Variants in CELSR1 observed in about 807,000 individuals in gnomAD.
CELSR1 encodes the protein adhesion G protein-coupled receptor C1.
CELSR1 carries 110 observed loss-of-function variants against 249.1 expected under a neutral mutation model. The ratio of observed to expected loss-of-function variants is 0.44; its 90% confidence interval spans 0.38 to 0.52. CELSR1 has a LOEUF of 0.52. Among genes scored for constraint, CELSR1 ranks in the 20% least tolerant of loss-of-function variants. The pLI, the probability that CELSR1 is intolerant of heterozygous loss-of-function variation, is 0.00. For synonymous variants in CELSR1, 2,113 were observed against 1,900.0 expected (o/e 1.11, Z -2.92); for missense variants, 4,109 against 4,296.4 (o/e 0.96, Z 1.22).
rs889552972 is a variant in CELSR1 at position 46,389,458 on chromosome 22, G to C, written c.6387C>G (p.Ala2129=). 6.2e-7 allele frequency: 1 copy of C among 1,613,266 alleles called. No homozygotes were observed. The change falls in exon 18 of 35, where the codon GCC becomes GCG. Residue 2129 remains alanine, a synonymous_variant. Coordinates refer to ENST00000674500, the MANE Select transcript of CELSR1 (RefSeq NM_001378328.1). ...GCGCCCTCACCAGCTGCAGGGCCCT[G>C]GCGCCGTCCACCTGCGTCTCATTGC... The part of the protein sequence containing the change: ...LSRNETQVDG[A]RALQLVRALR...
In CELSR1 at chr22:46,436,492, A is replaced by G. The variant is rs961268324; in HGVS notation, c.4407-203T>C. 6.6e-6 allele frequency among the ~76,000 whole-genome samples: 1 copy of G among 152,212 alleles called. No homozygotes were observed. The highest frequency in any genetic ancestry group is 2.4e-5 in the African/African-American group (1 of 41,450). ...GGTTCTTTTCTGGAAGCAGCAAACC[A>G]GAATCCATGGGGAGTCTGGTTACTA... On this transcript the variant is annotated intron_variant, in intron 3 of 34. Transcript: ENST00000674500. This position sits in a 1 kb window ranked among gnomAD's most constrained non-coding sequence, Gnocchi z 5.9.
intron 5 of CELSR1, among the ~76,000 whole-genome samples, chr22:46,422,499 C>T: frequency 6.8e-6 from 1 of 147,070 alleles, no homozygotes. Context: ...TTTGGGAGGC[C>T]AAGGGGGGGC....
rs910636049 is a variant in CELSR1 at position 46,473,361 on chromosome 22, T to C, written c.3545-9016A>G. Among the ~76,000 whole-genome samples the C allele has an allele frequency of 2.6e-5, 4 of 151,792 alleles. No individual in the cohort carries two copies. The highest frequency in any genetic ancestry group is 2.0e-4 in the Admixed American group (3 of 15,244). On this transcript the variant is annotated intron_variant, in intron 1 of 34. Transcript: ENST00000674500. The surrounding 1 kb of genome is among the most constrained non-coding windows in gnomAD (Gnocchi z 6.6). ...GTCCAAGAGGACCCTAGTCCTGGCATGGGAGGGTCTGCTGAGGACATGGAG... is the reference window on the plus strand; with the variant it reads ...GTCCAAGAGGACCCTAGTCCTGGCACGGGAGGGTCTGCTGAGGACATGGAG...
chr22:46,398,399 G>C lies in CELSR1; in HGVS notation c.5526+125C>G. The C allele has an allele frequency of 1.5e-6, 1 of 646,988 alleles. No individual in the cohort carries two copies. The highest frequency in any genetic ancestry group is 2.6e-6 in the Non-Finnish European group (1 of 378,086). The allele number at this position is 646,988 out of a possible 1,614,324, so 40.1% of individuals were successfully genotyped here. A position where few individuals can be genotyped will look rare whatever the true frequency, so the allele number is the denominator to read the frequency against. On this transcript the variant is annotated intron_variant, in intron 11 of 34. Transcript: ENST00000674500. This position sits in a 1 kb window ranked among gnomAD's most constrained non-coding sequence, Gnocchi z 7.2. ...AGGAGCTGTTAAAGTGGGGATGCCT[G>C]TCAGACAAATTCTTCACTCGTTGAA...
Position 46,394,211 on chromosome 22 carries a change from G to C in CELSR1, c.5895C>G (p.Pro1965=), listed in dbSNP as rs749177088. 3 of 1,614,034 alleles carry C rather than the reference G, an allele frequency of 1.9e-6. No homozygotes were observed. The highest frequency in any genetic ancestry group is 1.7e-4 in the Middle Eastern group (1 of 6,060). Residue 1965 remains proline, a synonymous_variant, in exon 14 of 35, where the codon CCC becomes CCG. Transcript: ENST00000674500. ...RGWWGNPVCG[P]CHCAVSKGFD... is the part of the protein sequence containing the mutation. ...AGCCTTTGCTGACGGCACAGTGGCAGGGTCCACAGACGGGGTTCCCCCACC... is the reference window on the plus strand; with the variant it reads ...AGCCTTTGCTGACGGCACAGTGGCACGGTCCACAGACGGGGTTCCCCCACC...
chr22:46,512,656 G>C lies in CELSR1; in HGVS notation c.3544+20971C>G, dbSNP rs541264409. On this transcript the variant is annotated intron_variant, in intron 1 of 34. Transcript: ENST00000674500. The surrounding 1 kb of genome is among the most constrained non-coding windows in gnomAD (Gnocchi z 5.2). ...GGAGGCCTCAAATGGCCTCACCACA[G>C]GTCCCCCGCCCCACTCTGCTCCTTC... is the stretch of plus-strand genomic sequence containing the variant. 6.6e-6 allele frequency among the ~76,000 whole-genome samples: 1 copy of C among 152,286 alleles called. No homozygotes were observed. The highest frequency in any genetic ancestry group is 2.1e-4 in the South Asian group (1 of 4,824).
rs5768756 is a variant in CELSR1 at position 46,398,830 on chromosome 22, G to A, written c.5413-193C>T. Among the ~76,000 whole-genome samples the A allele has an allele frequency of 5.6e-4, 86 of 152,294 alleles. 1 individual carries two copies. The East Asian group carries it at 0.011, about 20-fold the overall frequency. On this transcript the variant is annotated intron_variant, in intron 10 of 34. Transcript: ENST00000674500. This position sits in a 1 kb window ranked among gnomAD's most constrained non-coding sequence, Gnocchi z 7.2. The stretch of plus-strand genomic sequence containing the variant: ...AGGCTGGCTGTGATGACCAGGGCGA[G>A]GGGACCAGGCCAGAGGATGGGTGTC...
intron 5 of CELSR1, among the ~76,000 whole-genome samples, chr22:46,418,475 A>T (rs2079428575): frequency 6.6e-6 from 1 of 151,510 alleles, no homozygotes; most frequent in Non-Finnish European, 1.5e-5. Flanking sequence ...ACAGAGCAAG[A>T]TTCCGCCTCA....
At position 46,372,913 on chromosome 22, in the gene CELSR1, C is replaced by T. The variant is rs189568719; in HGVS notation, c.7729G>A (p.Val2577Met). Residue 2577 changes from valine (V) to methionine (M), a missense_variant, in exon 25 of 35, where the codon GTG (valine) becomes ATG (methionine). Coordinates refer to ENST00000674500, the MANE Select transcript of CELSR1 (RefSeq NM_001378328.1). Reference sequence around the variant, plus strand: ...ACAATGGCCGGGATGCCCCAGCCCACGACGTAGTAGAACCGCATGGGCCCC... The same window carrying T: ...ACAATGGCCGGGATGCCCCAGCCCATGACGTAGTAGAACCGCATGGGCCCC... ...DTGPMRFYYV[V>M]GWGIPAIVTG... The T allele has an allele frequency of 4.3e-5, 70 of 1,610,742 alleles. No homozygotes were observed. In the East Asian group the frequency reaches 9.6e-4, roughly 22 times the overall value.
intron 20 of CELSR1, among the ~76,000 whole-genome samples, chr22:46,383,848 T>G (rs966921976): frequency 2.0e-5 from 3 of 152,160 alleles, no homozygotes; most frequent in African/African-American, 7.2e-5. Context: ...AGCTTTTCAC[T>G]GCACACCAAA....
At position 46,396,724 on chromosome 22, in the gene CELSR1, C is replaced by G; in HGVS notation, c.5724G>C (p.Val1908=). ...CGCAGGGGTTCAGGTGACAGGCATC[C>G]ACACAGTTTATTCCAAGGTACCCTG... The part of the protein sequence containing the change: ...CDKGYLGINC[V]DACHLNPCEN... Residue 1908 remains valine, a synonymous_variant, in exon 13 of 35, where the codon GTG becomes GTC. Transcript: ENST00000674500. This position sits in a 1 kb window ranked among gnomAD's most constrained non-coding sequence, Gnocchi z 6.4. The G allele has an allele frequency of 6.2e-7, 1 of 1,612,972 alleles. No individual in the cohort carries two copies.
At chr22:46,366,910 T>TG in intron 29 of CELSR1, 83 bp downstream of exon 29, 1 of 1,510,078 alleles carries the variant, frequency 6.6e-7, no homozygotes, top group Non-Finnish European at 8.9e-7. Context: ...GCCGCAGGAC[T>TG]GGGGCTGAGG....
Position 46,365,263 on chromosome 22 carries a change from G to A in CELSR1, c.8522C>T (p.Pro2841Leu), listed in dbSNP as rs375066055. ...GGTGCTGTGGACGGCGCCCCTGGCC[G>A]GGTCCCATTTTTCCTCAGCTCCCAC... Reference protein sequence around the residue: ...DGVGAEEKWDPARGAVHSTPK... With the variant: ...DGVGAEEKWDLARGAVHSTPK... Residue 2841 changes from proline to leucine, a missense_variant, in exon 32 of 35, where the codon CCG (proline) becomes CTG (leucine). Transcript: ENST00000674500. The A allele has an allele frequency of 3.3e-5, 53 of 1,612,506 alleles. 1 individual carries two copies. In the Middle Eastern group the frequency reaches 5.0e-4, roughly 15 times the overall value.
chr22:46,467,527 A>G (rs2080109973), intron 1 of CELSR1, among the ~76,000 whole-genome samples: 2 of 152,004 alleles, frequency 1.3e-5, no homozygotes, highest in South Asian at 4.1e-4. Context: ...ATATATATAG[A>G]AAACTCTGGA....
chr22:46,382,518 C>T (rs1053201091), intron 20 of CELSR1, among the ~76,000 whole-genome samples: 5 of 152,100 alleles, frequency 3.3e-5, no homozygotes, highest in East Asian at 3.9e-4. Flanking sequence ...CCTCATGATC[C>T]GCCCGCCTCG....
Position 46,411,682 on chromosome 22 carries a change from G to A in CELSR1, c.4689C>T (p.Asp1563=), listed in dbSNP as rs771628098. ...KMAVVTVDDC[D]TTMAVRFGKD... ...TTCCAAAGCGCACAGCCATGGTTGTGTCACAATCATCCACTGTCACCACGG... is the reference window on the plus strand; with the variant it reads ...TTCCAAAGCGCACAGCCATGGTTGTATCACAATCATCCACTGTCACCACGG... Residue 1563 remains aspartate, a synonymous_variant, in exon 6 of 35, where the codon GAC becomes GAT. Coordinates refer to ENST00000674500, the MANE Select transcript of CELSR1 (RefSeq NM_001378328.1). This position sits in a 1 kb window ranked among gnomAD's most constrained non-coding sequence, Gnocchi z 4.2. The A allele has an allele frequency of 5.6e-6, 9 of 1,614,092 alleles. No homozygotes were observed. The highest frequency in any genetic ancestry group is 3.3e-5 in the South Asian group (3 of 91,092).
At position 46,407,003 on chromosome 22, in the gene CELSR1, C is replaced by T. The variant is rs953170421; in HGVS notation, c.5226+1993G>A. The stretch of plus-strand genomic sequence containing the variant: ...GGGAGGGACTTCCTGACCGCAGGAG[C>T]GGGGAGGGGGGGTCATCCTGGGAGA... On this transcript the variant is annotated intron_variant, in intron 9 of 34. Transcript: ENST00000674500. This position sits in a 1 kb window ranked among gnomAD's most constrained non-coding sequence, Gnocchi z 4.8. Among the ~76,000 whole-genome samples, 3 of 152,094 alleles carry T rather than the reference C, an allele frequency of 2.0e-5. No homozygotes were observed. The highest frequency in any genetic ancestry group is 1.9e-4 in the East Asian group (1 of 5,190).
At position 46,483,334 on chromosome 22, in the gene CELSR1, G is replaced by A. The variant is rs183950221; in HGVS notation, c.3545-18989C>T. 6.2e-3 allele frequency among the ~76,000 whole-genome samples: 934 copies of A among 151,252 alleles called. 7 individuals carry two copies. Among genetic ancestry groups the A allele is most frequent in the Middle Eastern group, 0.014 (4 of 290 alleles). On this transcript the variant is annotated intron_variant, in intron 1 of 34. Transcript: ENST00000674500. Reference sequence around the variant, plus strand: ...ACCCGCCTCACTGGGTGTCTAGGGCGCAGTCCTCACAGTTGAGCACACCCT... The same window carrying A: ...ACCCGCCTCACTGGGTGTCTAGGGCACAGTCCTCACAGTTGAGCACACCCT...
At chr22:46,480,004 C>G (rs766686982) in intron 1 of CELSR1, among the ~76,000 whole-genome samples, 8 of 152,212 alleles carry the variant, frequency 5.3e-5, no homozygotes, top group Non-Finnish European at 8.8e-5. Context: ...TTCATTCCAT[C>G]TGTTCTACAA....
Sources: gnomAD v4.1 joint callset for allele counts (sites outside exome capture counted in the v4.1 genomes callset) on GRCh38, gnomAD v4.1.1 for gene constraint, Gnocchi (gnomAD v3.1) non-coding constraint, MANE v1.5 for transcripts, NCBI Gene and HGNC (gene_info 2026-07-23, HGNC 2026-07-21) for gene names.